Variants in EML4 observed in about 807,000 individuals in gnomAD.
EML4 encodes the protein echinoderm microtubule-associated protein-like 4.
In EML4, 72 loss-of-function variants were observed where a neutral mutation model predicts 129.0. That is an observed-to-expected ratio of 0.56 (90% confidence interval 0.46 to 0.68). The LOEUF (loss-of-function observed/expected upper bound fraction) is 0.68. EML4 is among the 30% of genes least tolerant of loss of function. The pLI is 0.00. For synonymous variants in EML4, 532 were observed against 405.0 expected, an observed-to-expected ratio of 1.31 and a Z score of -3.77; for missense variants, 1,363 against 1,190.6, an observed-to-expected ratio of 1.14 and a Z score of -2.13.
chr2:42,181,914 A>C (rs569883615), intron 1 of EML4, among the ~76,000 whole-genome samples: 36 of 152,134 alleles, frequency 2.4e-4, no homozygotes, highest in Non-Finnish European at 4.7e-4. Flanking sequence ...ACAGTAGTTA[A>C]AATTAAGGAA....
At chr2:42,183,621 G>C (rs1406187570) in intron 1 of EML4, among the ~76,000 whole-genome samples, 1 of 151,946 alleles carries the variant, frequency 6.6e-6, no homozygotes, top group African/African-American at 2.4e-5. Context: ...CTTTTTGCAG[G>C]CTTCCATTCT....
At chr2:42,294,223 C>A (rs1182955018) in intron 11 of EML4, among the ~76,000 whole-genome samples, 1 of 152,190 alleles carries the variant, frequency 6.6e-6, no homozygotes, top group Non-Finnish European at 1.5e-5. Context: ...TCCTAGTCCA[C>A]CATAAATCTT....
chr2:42,254,349 C>T (rs1305781383), intron 2 of EML4, among the ~76,000 whole-genome samples: 1 of 151,196 alleles, frequency 6.6e-6, no homozygotes, highest in Non-Finnish European at 1.5e-5. Context: ...CACAGCTGCT[C>T]AGGAGGCTGA....
chr2:42,329,052 C>T, intron 22 of EML4, 36 bp downstream of exon 22: 1 of 1,590,582 alleles, frequency 6.3e-7, no homozygotes, highest in South Asian at 1.1e-5. Context: ...TGTTATAAGG[C>T]CTTCTGTCCA....
chr2:42,204,389 A>G (rs1672416393), intron 1 of EML4, among the ~76,000 whole-genome samples: 1 of 152,192 alleles, frequency 6.6e-6, no homozygotes, highest in African/African-American at 2.4e-5. Context: ...GGGGCTGGCA[A>G]ACTTTTTCTG....
intron 6 of EML4, among the ~76,000 whole-genome samples, chr2:42,273,640 T>C (rs1666494692): frequency 6.6e-6 from 1 of 151,916 alleles, no homozygotes; most frequent in South Asian, 2.1e-4. Context: ...TATCAGCCAA[T>C]AGAAGAAAAA....
At chr2:42,283,681 T>C (rs1667138038) in intron 8 of EML4, among the ~76,000 whole-genome samples, 1 of 152,192 alleles carries the variant, frequency 6.6e-6, no homozygotes, top group Non-Finnish European at 1.5e-5. Context: ...ATATAGATAT[T>C]GAACTTTTGG....
intron 1 of EML4, among the ~76,000 whole-genome samples, chr2:42,210,310 A>T (rs544381174): frequency 6.6e-6 from 1 of 152,120 alleles, no homozygotes; most frequent in Non-Finnish European, 1.5e-5. Flanking sequence ...TGTATCAGAT[A>T]TATTGTAGAA....
intron 11 of EML4, among the ~76,000 whole-genome samples, chr2:42,292,468 C>T (rs1029337811): frequency 6.6e-6 from 1 of 152,106 alleles, no homozygotes; most frequent in African/African-American, 2.4e-5. Context: ...CCTATATGCA[C>T]CAACACAAAT....
intron 3 of EML4, among the ~76,000 whole-genome samples, chr2:42,260,324 C>T (rs572396262): frequency 1.8e-4 from 27 of 152,258 alleles, no homozygotes; most frequent in South Asian, 1.4e-3. Context: ...CATGCCACTG[C>T]GCCAAGCTAA....
At position 42,261,248 on chromosome 2, in the gene EML4, A is replaced by G. The variant is rs1459715347; in HGVS notation, c.466A>G (p.Ile156Val). The G allele has an allele frequency of 1.9e-6, 3 of 1,613,986 alleles. No homozygotes were observed. The highest frequency in any genetic ancestry group is 2.5e-6 in the Non-Finnish European group (3 of 1,179,924). The change falls in exon 4 of 23, where the codon ATA becomes GTA. Residue 156 changes from isoleucine (I) to valine (V), a missense_variant. Transcript: ENST00000318522. Reference protein sequence around the residue: ...SPQPSSQPLQIHRQTPESKNA... With the variant: ...SPQPSSQPLQVHRQTPESKNA... ...CCAGCCCTCTTCACAACCTCTCCAA[A>G]TACACAGACAAACTCCAGAAAGCAA...
rs1363928760 is a variant in EML4, at chr2:42,264,099, A to T, written c.642-607A>T. Reference sequence around the variant, plus strand: ...TTTTAAGGCTCCCAACTCAAACAATACGTGTTTTTTTTTTTTTTTTTTTTT... The same window carrying T: ...TTTTAAGGCTCCCAACTCAAACAATTCGTGTTTTTTTTTTTTTTTTTTTTT... On this transcript the variant is annotated intron_variant, in intron 5 of 22. Coordinates refer to ENST00000318522, the MANE Select transcript of EML4 (RefSeq NM_019063.5). Among the ~76,000 whole-genome samples the T allele has an allele frequency of 1.0e-4, 13 of 124,444 alleles. 1 individual carries two copies. In the East Asian group the frequency reaches 1.5e-3, roughly 14 times the overall value. 81.6% of individuals were successfully genotyped at this position (124,444 alleles called of 152,430 possible).
chr2:42,229,346 T>C (rs1371196), intron 1 of EML4, among the ~76,000 whole-genome samples: 3,927 of 152,274 alleles, frequency 0.026, 174 homozygotes, highest in African/African-American at 0.09. Context: ...TGCCTGGGTA[T>C]ATAGTTACTA....
rs1231642129 is a variant in EML4, at chr2:42,241,992, G to C, written c.26-3513G>C. On this transcript the variant is annotated intron_variant, in intron 1 of 22. Coordinates refer to ENST00000318522, the MANE Select transcript of EML4 (RefSeq NM_019063.5). ...TTCTTGTGTCTCACAGTGTCTATCA[G>C]GGTTTGGTAGGAATTTTACAAGCTG... Among the ~76,000 whole-genome samples, 8 of 152,214 alleles carry C rather than the reference G, an allele frequency of 5.3e-5. No individual in the cohort carries two copies. In the Middle Eastern group the frequency reaches 0.014, roughly 259 times the overall value.
At chr2:42,193,101 A>T (rs551038370) in intron 1 of EML4, among the ~76,000 whole-genome samples, 2 of 152,226 alleles carry the variant, frequency 1.3e-5, no homozygotes, top group South Asian at 4.1e-4. Context: ...GGGTATTTCC[A>T]TAAGATTTTA....
intron 13 of EML4, among the ~76,000 whole-genome samples, chr2:42,298,103 A>C (rs1380554222): frequency 6.6e-6 from 1 of 152,240 alleles, no homozygotes; most frequent in African/African-American, 2.4e-5. Flanking sequence ...CAGAACCATT[A>C]AAATGTTCAC....
At chr2:42,223,274 GA>G (rs1300750446) in intron 1 of EML4, among the ~76,000 whole-genome samples, 6 of 152,098 alleles carry the variant, frequency 3.9e-5, no homozygotes, top group African/African-American at 1.4e-4. Context: ...ATTACGTAAA[GA>G]TTACTGTTCA....
intron 17 of EML4, among the ~76,000 whole-genome samples, chr2:42,314,716 C>G (rs182115455): frequency 2.2e-3 from 340 of 152,292 alleles, no homozygotes; most frequent in African/African-American, 7.7e-3. Flanking sequence ...GGGCAGTGCT[C>G]AACTCTGAAT....
rs575764321 is a variant in EML4, at chr2:42,171,841, A to C, written c.25+2205A>C. Reference sequence around the variant, plus strand: ...CCTTGCAAGAGTAAAACTAGGCCCCATCTTAATTGAAACCTTAAAGGGGTG... The same window carrying C: ...CCTTGCAAGAGTAAAACTAGGCCCCCTCTTAATTGAAACCTTAAAGGGGTG... On this transcript the variant is annotated intron_variant, in intron 1 of 22. Coordinates refer to ENST00000318522, the MANE Select transcript of EML4 (RefSeq NM_019063.5). 1.0e-3 allele frequency among the ~76,000 whole-genome samples: 153 copies of C among 152,244 alleles called. 3 individuals carry two copies. The highest frequency in any genetic ancestry group is 1.9e-4 in the Non-Finnish European group (13 of 68,024).
Sources: gnomAD v4.1 joint callset for allele counts (sites outside exome capture counted in the v4.1 genomes callset) on GRCh38, gnomAD v4.1.1 for gene constraint, MANE v1.5 for transcripts, NCBI Gene and HGNC (gene_info 2026-07-23, HGNC 2026-07-21) for gene names.